Variants in RBFOX3 observed in about 807,000 individuals in gnomAD.
RBFOX3 encodes RNA binding fox-1 homolog 3, also known as RNA binding protein fox-1 homolog 3.
Under a neutral mutation model 48.7 loss-of-function variants are expected in RBFOX3, and 17 were observed. That is an observed-to-expected ratio of 0.35 (90% CI 0.24 to 0.52). The LOEUF (loss-of-function observed/expected upper bound fraction) is 0.52, where lower values mean the gene tolerates loss of function less well. RBFOX3 is among the 20% of genes least tolerant of loss of function. The probability of loss-of-function intolerance (pLI) is 0.94; values close to 1 mark genes in which losing one functional copy is unlikely to be tolerated. For missense variants in RBFOX3, 382 were observed against 497.5 expected (o/e 0.77, Z 2.21); for synonymous variants, 212 against 209.5 (o/e 1.01, Z -0.10).
chr17:79,315,056 G>A (rs901793650), intron 2 of RBFOX3, among the ~76,000 whole-genome samples: 15 of 152,208 alleles, frequency 9.9e-5, no homozygotes, highest in African/African-American at 1.4e-4. Context: ...TTGATGGCCC[G>A]CTGCAGGAGT....
At chr17:79,542,264 C>A (rs781999443) in intron 1 of RBFOX3, among the ~76,000 whole-genome samples, 4 of 152,182 alleles carry the variant, frequency 2.6e-5, no homozygotes, top group Non-Finnish European at 4.4e-5. Flanking sequence ...CAAAAGGCAG[C>A]GGCTTCACCC....
chr17:79,430,808 G>A (rs1598658202), intron 2 of RBFOX3, among the ~76,000 whole-genome samples: 2 of 152,186 alleles, frequency 1.3e-5, no homozygotes, highest in African/African-American at 4.8e-5. Context: ...GCCTCCCAAA[G>A]TGCTGGGATT....
At chr17:79,224,743 T>A (rs28641853) in intron 4 of RBFOX3, among the ~76,000 whole-genome samples, 2 of 152,128 alleles carry the variant, frequency 1.3e-5, no homozygotes, top group Non-Finnish European at 2.9e-5. Context: ...TTGGAGGATG[T>A]GTCATCTGGT....
rs571196258 is a variant in RBFOX3 at position 79,444,886 on chromosome 17, G to A, written c.-175+37568C>T. On this transcript the variant is annotated intron_variant, in intron 2 of 14. Coordinates refer to ENST00000693108, the MANE Select transcript of RBFOX3 (RefSeq NM_001350451.2). Reference sequence around the variant, plus strand: ...GGAATTACAACTCAATCTAATTCTAGAACGTTTTCATTGCACCAAAAAGAA... The same window carrying A: ...GGAATTACAACTCAATCTAATTCTAAAACGTTTTCATTGCACCAAAAAGAA... Among the ~76,000 whole-genome samples, 42 of 152,030 alleles carry A rather than the reference G, an allele frequency of 2.8e-4. No individual in the cohort carries two copies. In the South Asian group the frequency reaches 4.8e-3, roughly 17 times the overall value.
chr17:79,253,162 C>T (rs751422455), intron 3 of RBFOX3, among the ~76,000 whole-genome samples: 41 of 152,192 alleles, frequency 2.7e-4, no homozygotes, highest in Non-Finnish European at 4.9e-4. Context: ...GAGGTAACCA[C>T]CACTCCTCCT....
In RBFOX3 at chr17:79,097,325, G is replaced by T. The variant is rs531642780; in HGVS notation, c.722C>A (p.Ala241Glu). ...AGTCGGGATGGGGGGTGGGGGTGGCGCAGCCCGAAATGTATTATACACGGC... is the reference window on the plus strand; with the variant it reads ...AGTCGGGATGGGGGGTGGGGGTGGCTCAGCCCGAAATGTATTATACACGGC... ...GRAVYNTFRA[A>E]PPPPPIPTYG... The change falls in exon 11 of 15, where the codon GCG becomes GAG. Residue 241 changes from alanine (A) to glutamate (E), a missense_variant. Physicochemically the swap from Ala to Glu is moderately radical, Grantham distance 107. Transcript: ENST00000693108. 1 of 1,545,062 alleles carries T rather than the reference G, an allele frequency of 6.5e-7. No homozygotes were observed. Among genetic ancestry groups the T allele is most frequent in the South Asian group, 1.2e-5 (1 of 83,650 alleles).
chr17:79,607,515 C>G (rs1213324926), intron 1 of RBFOX3, among the ~76,000 whole-genome samples: 1 of 152,156 alleles, frequency 6.6e-6, no homozygotes. Context: ...TTACTGCCCC[C>G]CACCCCCTAC....
At chr17:79,396,947 C>G (rs188188207) in intron 2 of RBFOX3, among the ~76,000 whole-genome samples, 1 of 152,238 alleles carries the variant, frequency 6.6e-6, no homozygotes, top group Admixed American at 6.5e-5. Flanking sequence ...GCAAGGAGAA[C>G]GAACCCCTGT....
chr17:79,196,067 T>C (rs924937240), intron 4 of RBFOX3, among the ~76,000 whole-genome samples: 1 of 152,128 alleles, frequency 6.6e-6, no homozygotes, highest in Non-Finnish European at 1.5e-5. Context: ...AGGGTGAATA[T>C]TATTCTTCCC....
chr17:79,208,239 G>T (rs1306614128), intron 4 of RBFOX3, among the ~76,000 whole-genome samples: 1 of 152,202 alleles, frequency 6.6e-6, no homozygotes, highest in African/African-American at 2.4e-5. Flanking sequence ...CAGGATTCAG[G>T]CACAGAACCA....
chr17:79,558,097 T>C (rs1436974156), intron 1 of RBFOX3, among the ~76,000 whole-genome samples: 2 of 152,144 alleles, frequency 1.3e-5, no homozygotes, highest in African/African-American at 2.4e-5. Flanking sequence ...ACTCAGATCA[T>C]CACGAGGTCC....
At chr17:79,221,483 G>A (rs2059723118) in intron 4 of RBFOX3, among the ~76,000 whole-genome samples, 1 of 152,214 alleles carries the variant, frequency 6.6e-6, no homozygotes, top group African/African-American at 2.4e-5. Flanking sequence ...AGGTTGGGGG[G>A]CCTCTTGTCC....
intron 1 of RBFOX3, among the ~76,000 whole-genome samples, chr17:79,503,446 T>C (rs2082637442): frequency 6.6e-6 from 1 of 152,232 alleles, no homozygotes; most frequent in Non-Finnish European, 1.5e-5. Flanking sequence ...ATATGTGTAT[T>C]TAACGTAATA....
Position 79,112,868 on chromosome 17 carries a change from T to G in RBFOX3, c.222+2626A>C, listed in dbSNP as rs560112454. 1.8e-3 allele frequency among the ~76,000 whole-genome samples: 224 copies of G among 122,614 alleles called. 2 individuals are homozygous for G. The highest frequency in any genetic ancestry group is 6.2e-3 in the Admixed American group (60 of 9,610). The allele number at this position is 122,614 out of a possible 152,430, so 80.4% of individuals were successfully genotyped here. ...TCCAGGGAGCGTCCAGGGGGTTGTG[T>G]GCCCTGACCTGGTGCCAACCTGGGC... On this transcript the variant is annotated intron_variant, in intron 5 of 14. Transcript: ENST00000693108.
At chr17:79,424,446 C>G (rs1220992607) in intron 2 of RBFOX3, among the ~76,000 whole-genome samples, 2 of 152,158 alleles carry the variant, frequency 1.3e-5, no homozygotes, top group Non-Finnish European at 2.9e-5. Context: ...CCCTCCGCTC[C>G]CCCCGCAACT....
intron 2 of RBFOX3, among the ~76,000 whole-genome samples, chr17:79,435,340 G>C (rs1207271814): frequency 6.6e-6 from 1 of 152,178 alleles, no homozygotes; most frequent in Non-Finnish European, 1.5e-5. Context: ...ATGCTTTAAA[G>C]GGGGGAGAAG....
intron 2 of RBFOX3, among the ~76,000 whole-genome samples, chr17:79,336,427 TG>T (rs1248554971): frequency 5.4e-5 from 2 of 37,314 alleles, no homozygotes; most frequent in Admixed American, 5.2e-4. Context: ...TAAAATAAAT[TG>T]AAAAAAAAAA....
intron 1 of RBFOX3, among the ~76,000 whole-genome samples, chr17:79,532,164 G>C (rs1296281183): frequency 6.6e-6 from 1 of 152,134 alleles, no homozygotes; most frequent in Non-Finnish European, 1.5e-5. Flanking sequence ...AGTTGTCCTC[G>C]GGGCAAATGA....
chr17:79,158,902 A>G (rs1418022922), intron 4 of RBFOX3, among the ~76,000 whole-genome samples: 1 of 152,140 alleles, frequency 6.6e-6, no homozygotes, highest in African/African-American at 2.4e-5. Flanking sequence ...ATGGACTCTC[A>G]CGGCTTCCAG....
Sources: allele counts gnomAD v4.1 joint callset (sites outside exome capture counted in the v4.1 genomes callset), GRCh38; gene constraint gnomAD v4.1.1; transcripts MANE v1.5; gene names NCBI Gene and HGNC (gene_info 2026-07-23, HGNC 2026-07-21).